FSIP2: variants seen among roughly 807,000 people sequenced by gnomAD.
FSIP2 encodes the protein fibrous sheath interacting protein 2.
FSIP2 carries 367 observed loss-of-function variants against 510.5 expected under a neutral mutation model. The ratio of observed to expected loss-of-function variants is 0.72; its 90% CI spans 0.66 to 0.78. FSIP2 has a LOEUF of 0.78. Among genes scored for constraint, FSIP2 ranks in the 30% least tolerant of loss-of-function variants. FSIP2 has a pLI of 0.00. For missense variants in FSIP2, 7,594 were observed against 7,901.7 expected, an observed-to-expected ratio of 0.96 and a Z score of 1.48; for synonymous variants, 2,601 against 2,732.2, an observed-to-expected ratio of 0.95 and a Z score of 1.50.
rs1559024977 is a variant in FSIP2, at chr2:185,789,197, G to T, written c.2061G>T (p.Lys687Asn). The change falls in exon 16 of 23, where the codon AAG (lysine) becomes AAT (asparagine). Residue 687 changes from lysine to asparagine, a missense_variant. Physicochemically the swap from Lys to Asn is moderately conservative, Grantham distance 94. Transcript: ENST00000424728. ...CAGCAAAAGCCATGGATGAAATGAA[G>T]AATTTAAAAAATGTTTTTGTTAACT... ...DKTAKAMDEM[K>N]NLKNVFVNFK... 1 of 1,534,202 alleles carries T rather than the reference G, an allele frequency of 6.5e-7. No homozygotes were observed. Among genetic ancestry groups the T allele is most frequent in the Non-Finnish European group, 8.7e-7 (1 of 1,145,582 alleles).
At position 185,801,571 on chromosome 2, in the gene FSIP2, G is replaced by T. The variant is rs781663461; in HGVS notation, c.12265G>T (p.Asp4089Tyr). Residue 4089 changes from aspartate to tyrosine, a missense_variant, in exon 17 of 23, where the codon GAC becomes TAC. By Grantham distance (160) the Asp-to-Tyr change is radical. Coordinates refer to ENST00000424728, the MANE Select transcript of FSIP2 (RefSeq NM_173651.4). ...ITNGILLEIL[D>Y]YKLPSCFKEH... ...AAATGGCATATTGTTAGAGATTTTA[G>T]ACTACAAACTGCCATCTTGCTTCAA... The T allele has an allele frequency of 9.8e-6, 15 of 1,534,052 alleles. No homozygotes were observed. In the East Asian group the frequency reaches 3.4e-4, roughly 35 times the overall value.
In FSIP2 at chr2:185,797,271, A is replaced by G; in HGVS notation, c.10135A>G (p.Lys3379Glu). The G allele has an allele frequency of 1.3e-6, 2 of 1,534,426 alleles. No individual in the cohort carries two copies. The highest frequency in any genetic ancestry group is 1.7e-6 in the Non-Finnish European group (2 of 1,146,100). ...EVSGGQKDNE[K>E]SLLRMQDKKI... The stretch of plus-strand genomic sequence containing the variant: ...ATCTGGAGGGCAAAAGGATAACGAA[A>G]AAAGTTTGCTTAGAATGCAGGATAA... Residue 3379 changes from lysine (K) to glutamate (E), a missense_variant, in exon 16 of 23, where the codon AAA (lysine) becomes GAA (glutamate). Transcript: ENST00000424728.
Position 185,809,117 on chromosome 2 carries a change from A to G in FSIP2, c.19811A>G (p.Asp6604Gly). 6.4e-7 allele frequency: 1 copy of G among 1,570,918 alleles called. No homozygotes were observed. The highest frequency in any genetic ancestry group is 8.6e-7 in the Non-Finnish European group (1 of 1,165,276). ...RTSLDKTGRL[D>G]VKPLEAVARN... Reference sequence around the variant, plus strand: ...TCATTGGATAAGACTGGAAGACTGGATGTAAAACCCCTAGAGGTAAGTGCA... The same window carrying G: ...TCATTGGATAAGACTGGAAGACTGGGTGTAAAACCCCTAGAGGTAAGTGCA... Residue 6604 changes from aspartate to glycine, a missense_variant, in exon 17 of 23, where the codon GAT becomes GGT. Asp to Gly is a moderately conservative substitution (Grantham distance 94). Coordinates refer to ENST00000424728, the MANE Select transcript of FSIP2 (RefSeq NM_173651.4).
At chr2:185,758,188 T>C (rs1692281027) in intron 9 of FSIP2, among the ~76,000 whole-genome samples, 1 of 151,340 alleles carries the variant, frequency 6.6e-6, no homozygotes, top group Admixed American at 6.6e-5. Flanking sequence ...TTCCATTGTA[T>C]GGATGCACCA....
chr2:185,761,683 C>T (rs1349913548), intron 10 of FSIP2, among the ~76,000 whole-genome samples: 1 of 151,252 alleles, frequency 6.6e-6, no homozygotes, highest in Non-Finnish European at 1.5e-5. Context: ...TTTTTAGAAC[C>T]AACCACAGCA....
At position 185,761,040 on chromosome 2, in the gene FSIP2, G is replaced by GA; in HGVS notation, c.1139dup (p.Asn380LysfsTer14). 20 of 1,505,286 alleles carry GA rather than the reference G, an allele frequency of 1.3e-5. No homozygotes were observed. Among genetic ancestry groups the GA allele is most frequent in the East Asian group, 5.0e-5 (2 of 40,210 alleles). 93.2% of individuals were successfully genotyped at this position (1,505,286 alleles called of 1,614,324 possible). A position where few individuals can be genotyped will look rare whatever the true frequency, so the allele number is the denominator to read the frequency against. ...GTCAAAATAGTTCAAATAATTTTAC[G>GA]AAAAAAAACTCAGCTTCTGTTGTTT... is the stretch of plus-strand genomic sequence containing the variant. On this transcript the variant is annotated frameshift_variant, in exon 10 of 23. Coordinates refer to ENST00000424728, the MANE Select transcript of FSIP2 (RefSeq NM_173651.4). LOFTEE classifies it high-confidence loss of function.
intron 13 of FSIP2, among the ~76,000 whole-genome samples, chr2:185,776,765 G>T (rs575167205): frequency 6.6e-6 from 1 of 152,004 alleles, no homozygotes; most frequent in Non-Finnish European, 1.5e-5. Flanking sequence ...ACAGAGTCTC[G>T]CTCTGTTGCC....
chr2:185,784,031 C>G (rs1692910867), intron 14 of FSIP2: 1 of 152,180 alleles, frequency 6.6e-6, no homozygotes, highest in African/African-American at 2.4e-5. Context: ...TCACATTCCT[C>G]TTGCTCAGGT....
rs779477679 is a variant in FSIP2, at chr2:185,801,257, T to C, written c.11951T>C (p.Phe3984Ser). 2.3e-5 allele frequency: 36 copies of C among 1,534,096 alleles called. No homozygotes were observed. The highest frequency in any genetic ancestry group is 3.0e-5 in the Non-Finnish European group (34 of 1,145,578). Reference sequence around the variant, plus strand: ...TTGGAAGGAATAATTTCAGAATTGTTTTTTAATCTCTCTATGTCATTGTGG... The same window carrying C: ...TTGGAAGGAATAATTTCAGAATTGTCTTTTAATCTCTCTATGTCATTGTGG... ...TFLEGIISELFFNLSMSLWGK... is the reference protein window; with the variant it reads ...TFLEGIISELSFNLSMSLWGK... Residue 3984 changes from phenylalanine to serine, a missense_variant, in exon 17 of 23, where the codon TTT becomes TCT. Transcript: ENST00000424728.
chr2:185,779,288 A>G (rs777104991), intron 13 of FSIP2, among the ~76,000 whole-genome samples: 2 of 132,138 alleles, frequency 1.5e-5, no homozygotes, highest in Non-Finnish European at 3.3e-5. Context: ...TGCTAAATTT[A>G]GTTTTTATCT....
At chr2:185,765,068 T>C (rs1378193322) in intron 13 of FSIP2, 1 of 152,014 alleles carries the variant, frequency 6.6e-6, no homozygotes, top group East Asian at 1.9e-4. Context: ...ACTGTATATA[T>C]TGACGGTACA....
At chr2:185,779,386 G>T (rs1207731845) in intron 13 of FSIP2, among the ~76,000 whole-genome samples, 1 of 150,800 alleles carries the variant, frequency 6.6e-6, no homozygotes, top group Non-Finnish European at 1.5e-5. Context: ...AATTTTTATG[G>T]ATACATAAAA....
In FSIP2 at chr2:185,807,350, A is replaced by G. The variant is rs778650213; in HGVS notation, c.18044A>G (p.Asn6015Ser). 3 of 1,610,316 alleles carry G rather than the reference A, an allele frequency of 1.9e-6. No individual in the cohort carries two copies. The highest frequency in any genetic ancestry group is 2.5e-6 in the Non-Finnish European group (3 of 1,178,742). ...ATATTACCTCATAAATTTTTGGAGA[A>G]TGTGATTTCTGCTCTTTTCTCCAAA... ...TIILPHKFLE[N>S]VISALFSKIF... is the part of the protein sequence containing the mutation. Residue 6015 changes from asparagine to serine, a missense_variant, in exon 17 of 23, where the codon AAT (asparagine) becomes AGT (serine). Transcript: ENST00000424728.
intron 7 of FSIP2, among the ~76,000 whole-genome samples, chr2:185,750,248 A>G (rs961820671): frequency 3.3e-5 from 5 of 151,494 alleles, no homozygotes; most frequent in African/African-American, 1.2e-4. Flanking sequence ...TTTTTTATAT[A>G]TTTTATGGAA....
At position 185,792,955 on chromosome 2, in the gene FSIP2, T is replaced by G; in HGVS notation, c.5819T>G (p.Phe1940Cys). ...TFATSKVKSL[F>C]YSQVNFTVPV... ...GCTACTTCCAAAGTAAAATCTCTCT[T>G]TTATTCTCAAGTCAACTTTACAGTT... is the stretch of plus-strand genomic sequence containing the variant. Residue 1940 changes from phenylalanine to cysteine, a missense_variant, in exon 16 of 23, where the codon TTT becomes TGT. Phe to Cys is a radical substitution (Grantham distance 205, BLOSUM62 -2). Transcript: ENST00000424728. 1 of 1,534,368 alleles carries G rather than the reference T, an allele frequency of 6.5e-7. No individual in the cohort carries two copies. Among genetic ancestry groups the G allele is most frequent in the East Asian group, 2.4e-5 (1 of 40,838 alleles).
intron 12 of FSIP2, among the ~76,000 whole-genome samples, chr2:185,763,617 G>A (rs1180770981): frequency 1.3e-5 from 2 of 151,478 alleles, no homozygotes; most frequent in Non-Finnish European, 3.0e-5. Context: ...AAAGATTCAG[G>A]GTATAGCTTT....
intron 2 of FSIP2, among the ~76,000 whole-genome samples, chr2:185,741,011 G>A (rs1248215979): frequency 2.6e-5 from 4 of 152,080 alleles, no homozygotes; most frequent in Non-Finnish European, 4.4e-5. Flanking sequence ...ATTAGAGCAA[G>A]TGAACTACAA....
chr2:185,799,909 T>A lies in FSIP2; in HGVS notation c.10603T>A (p.Phe3535Ile). The change falls in exon 17 of 23, where the codon TTT becomes ATT. Residue 3535 changes from phenylalanine (F) to isoleucine (I), a missense_variant. Coordinates refer to ENST00000424728, the MANE Select transcript of FSIP2 (RefSeq NM_173651.4). ...EKAWEIQEAT[F>I]SKIISIHSQV... Reference sequence around the variant, plus strand: ...AGCATGGGAAATTCAAGAAGCAACATTTAGCAAGATTATTTCAATTCATTC... The same window carrying A: ...AGCATGGGAAATTCAAGAAGCAACAATTAGCAAGATTATTTCAATTCATTC... The A allele has an allele frequency of 1.3e-6, 2 of 1,533,872 alleles. No homozygotes were observed. Among genetic ancestry groups the A allele is most frequent in the Middle Eastern group, 1.7e-4 (1 of 5,970 alleles).
In FSIP2 at chr2:185,761,080, C is replaced by G; in HGVS notation, c.1171C>G (p.Gln391Glu). ...TTCTGTTGTTTATCAGGCAGATGTA[C>G]AGGATAATGGTATAAATCAAAAGGT... is the stretch of plus-strand genomic sequence containing the variant. ...SASVVYQADVQDNGINQKRDG... is the reference protein window; with the variant it reads ...SASVVYQADVEDNGINQKRDG... The change falls in exon 10 of 23, where the codon CAG becomes GAG. Residue 391 changes from glutamine to glutamate, a missense_variant. By Grantham distance (29) the Gln-to-Glu change is conservative. Coordinates refer to ENST00000424728, the MANE Select transcript of FSIP2 (RefSeq NM_173651.4). The G allele has an allele frequency of 7.0e-7, 1 of 1,423,076 alleles. No homozygotes were observed. Among genetic ancestry groups the G allele is most frequent in the Non-Finnish European group, 9.5e-7 (1 of 1,053,498 alleles). 88.2% of individuals were successfully genotyped at this position (1,423,076 alleles called of 1,614,324 possible). A position where few individuals can be genotyped will look rare whatever the true frequency, so the allele number is the denominator to read the frequency against.
Sources: allele counts gnomAD v4.1 joint callset (sites outside exome capture counted in the v4.1 genomes callset), GRCh38; gene constraint gnomAD v4.1.1; transcripts MANE v1.5; gene names NCBI Gene and HGNC (gene_info 2026-07-23, HGNC 2026-07-21).